Variants in BRF1 observed in about 807,000 individuals in gnomAD.
The protein encoded by BRF1 is BRF1 general transcription factor IIIB subunit.
In BRF1, 59 loss-of-function variants were observed where a neutral mutation model predicts 81.7. The ratio of observed to expected loss-of-function variants is 0.72; its 90% confidence interval spans 0.59 to 0.90. BRF1 has a LOEUF of 0.90. Ranked by LOEUF, BRF1 falls within the 40% of genes least tolerant of loss-of-function variation. The pLI is 0.00. For synonymous variants in BRF1, 491 were observed against 395.6 expected (o/e 1.24, Z -2.86); for missense variants, 1,050 against 936.3 (o/e 1.12, Z -1.58).
At chr14:105,225,881 C>T (rs587764479) in intron 10 of BRF1, among the ~76,000 whole-genome samples, 188 bp downstream of exon 10, 41 of 152,254 alleles carry the variant, frequency 2.7e-4, no homozygotes, top group Admixed American at 6.5e-5. Context: ...CTCCTGACCT[C>T]GTGATCCGCC....
chr14:105,250,610 G>C (rs1187259812), intron 5 of BRF1: 1 of 1,613,880 alleles, frequency 6.2e-7, no homozygotes, highest in Non-Finnish European at 8.5e-7. Flanking sequence ...GTGCTCCTCG[G>C]ACAGCACCAA....
intron 5 of BRF1, among the ~76,000 whole-genome samples, chr14:105,246,268 T>C (rs940516612): frequency 4.6e-5 from 7 of 151,920 alleles, no homozygotes; most frequent in Non-Finnish European, 8.8e-5. Context: ...AAACACGCCA[T>C]GCAAATAGCC....
At chr14:105,258,894 A>T (rs2056020255) in intron 3 of BRF1, among the ~76,000 whole-genome samples, 2 of 152,208 alleles carry the variant, frequency 1.3e-5, no homozygotes, top group African/African-American at 2.4e-5. Flanking sequence ...ACAAAAAAAA[A>T]TAGCCAACAA....
In BRF1 at chr14:105,217,770, T is replaced by C. The variant is rs1373866612; in HGVS notation, c.1546A>G (p.Ile516Val). The stretch of plus-strand genomic sequence containing the variant: ...GCCTCCCTGGCGGTACTGGCCTGAA[T>C]TGGCTCCCGTCGCTTGCAAGACTTC... ...PKKSCKRREP[I>V]QASTAREAIE... Residue 516 changes from isoleucine (I) to valine (V), a missense_variant, in exon 15 of 18, where the codon ATT becomes GTT. By Grantham distance (29) the Ile-to-Val change is conservative. Coordinates refer to ENST00000547530, the MANE Select transcript of BRF1 (RefSeq NM_001519.4). The C allele has an allele frequency of 1.9e-6, 3 of 1,612,878 alleles. No individual in the cohort carries two copies. Among genetic ancestry groups the C allele is most frequent in the African/African-American group, 1.3e-5 (1 of 74,934 alleles).
intron 10 of BRF1, among the ~76,000 whole-genome samples, chr14:105,222,788 C>T (rs1254183469): frequency 1.3e-5 from 2 of 152,158 alleles, no homozygotes; most frequent in Non-Finnish European, 2.9e-5. Context: ...GCCACCACAC[C>T]CGGCTAATTT....
chr14:105,280,807 A>G (rs1419783213), intron 2 of BRF1, among the ~76,000 whole-genome samples: 20 of 75,144 alleles, frequency 2.7e-4, no homozygotes, highest in African/African-American at 3.7e-4. Context: ...GAGGCTGCAT[A>G]ATCTTGAGCC....
rs2057262135 is a variant in BRF1 at position 105,284,979 on chromosome 14, C to A, written c.265+1317G>T. Among the ~76,000 whole-genome samples the A allele has an allele frequency of 6.6e-6, 1 of 152,160 alleles. No homozygotes were observed. Among genetic ancestry groups the A allele is most frequent in the Non-Finnish European group, 1.5e-5 (1 of 68,034 alleles). On this transcript the variant is annotated intron_variant, in intron 2 of 17. Transcript: ENST00000547530. This position sits in a 1 kb window ranked among gnomAD's most constrained non-coding sequence, Gnocchi z 4.0. Reference sequence around the variant, plus strand: ...CGACAAAAGAAGTACAAAACTTATACTCTGAGAACTAATAAAATTGTTGAA... The same window carrying A: ...CGACAAAAGAAGTACAAAACTTATAATCTGAGAACTAATAAAATTGTTGAA...
chr14:105,253,895 AGTGT>A (rs1262271384), intron 4 of BRF1, among the ~76,000 whole-genome samples: 1 of 152,144 alleles, frequency 6.6e-6, no homozygotes, highest in Admixed American at 6.5e-5. Flanking sequence ...CAGCACATGT[AGTGT>A]GTGTGTGCAT....
At chr14:105,306,965 A>G (rs1329954897) in intron 1 of BRF1, among the ~76,000 whole-genome samples, 1 of 149,354 alleles carries the variant, frequency 6.7e-6, no homozygotes, top group Non-Finnish European at 1.5e-5. Context: ...CTAGAGAGGG[A>G]CTCCCCTCCC....
intron 1 of BRF1, among the ~76,000 whole-genome samples, chr14:105,293,122 C>T (rs1326394407): frequency 2.6e-5 from 4 of 152,176 alleles, no homozygotes; most frequent in Non-Finnish European, 2.9e-5. Context: ...GAGCCTTCCA[C>T]CCTCAGGACT....
intron 5 of BRF1, chr14:105,250,225 G>A (rs186352562): frequency 1.9e-6 from 3 of 1,612,956 alleles, no homozygotes; most frequent in African/African-American, 1.3e-5. Context: ...CCCCGCAGAG[G>A]TGCCACCGAT....
At chr14:105,314,572 C>T (rs1256164094) in intron 1 of BRF1, 2 of 145,698 alleles carry the variant, frequency 1.4e-5, no homozygotes, top group African/African-American at 4.9e-5. Flanking sequence ...AGCGCGCGCG[C>T]ACCTCACTTC....
chr14:105,253,493 G>A (rs2055719436), intron 4 of BRF1, among the ~76,000 whole-genome samples: 1 of 152,220 alleles, frequency 6.6e-6, no homozygotes, highest in Non-Finnish European at 1.5e-5. Context: ...CCGGCTCGTG[G>A]GCCCTTAGAC....
Position 105,272,706 on chromosome 14 carries a change from C to A in BRF1, c.439+15G>T. Reference sequence around the variant, plus strand: ...AAGATGGGGCCCTCTGGGAGGCTCTCAAACCAAAGGATACGCGGCGTGCCC... The same window carrying A: ...AAGATGGGGCCCTCTGGGAGGCTCTAAAACCAAAGGATACGCGGCGTGCCC... On this transcript the variant is annotated intron_variant, in intron 3 of 17. Coordinates refer to ENST00000547530, the MANE Select transcript of BRF1 (RefSeq NM_001519.4). 6.3e-7 allele frequency: 1 copy of A among 1,586,266 alleles called. No homozygotes were observed. The highest frequency in any genetic ancestry group is 1.1e-5 in the South Asian group (1 of 88,712).
intron 3 of BRF1, among the ~76,000 whole-genome samples, chr14:105,266,290 A>G (rs2140370889): frequency 6.6e-6 from 1 of 150,918 alleles, no homozygotes; most frequent in African/African-American, 2.4e-5. Context: ...TAGTGCACCT[A>G]TGGTCCCGGC....
intron 5 of BRF1, chr14:105,247,006 G>A: frequency 1.0e-6 from 1 of 985,402 alleles, no homozygotes; most frequent in Non-Finnish European, 1.2e-6. Context: ...TGTTGCTGAT[G>A]GACATGTAGG....
chr14:105,220,076 AT>A lies in BRF1; in HGVS notation c.1369del (p.Ile457LeufsTer6). On this transcript the variant is annotated frameshift_variant, in exon 12 of 18. Coordinates refer to ENST00000547530, the MANE Select transcript of BRF1 (RefSeq NM_001519.4). LOFTEE classifies it high-confidence loss of function. The part of the protein sequence containing the change: ...LDLSGIDDLE[I>X]DRYILNESEA... ...AGGGGTGCTGCCACGTACCCTGTCA[AT>A]CTCCAGGTCATCAATGCCACTGAGG... The A allele has an allele frequency of 1.9e-6, 3 of 1,612,958 alleles. No individual in the cohort carries two copies. Among genetic ancestry groups the A allele is most frequent in the Non-Finnish European group, 2.5e-6 (3 of 1,179,996 alleles).
intron 5 of BRF1, chr14:105,248,626 C>T: frequency 1.0e-6 from 1 of 978,888 alleles, no homozygotes; most frequent in Non-Finnish European, 1.2e-6. Flanking sequence ...CCGGGCTGCG[C>T]TAGGCTGGGC....
chr14:105,313,312 GCTACCCCCTCT>G (rs960259459), intron 1 of BRF1, among the ~76,000 whole-genome samples: 16 of 152,318 alleles, frequency 1.1e-4, no homozygotes, highest in Non-Finnish European at 1.9e-4. Context: ...CTGGGGTATG[GCTACCCCCTCT>G]CTGGACATAG....
Sources: allele counts gnomAD v4.1 joint callset (sites outside exome capture counted in the v4.1 genomes callset), GRCh38; gene constraint gnomAD v4.1.1; non-coding constraint Gnocchi (gnomAD v3.1); transcripts MANE v1.5; gene names NCBI Gene and HGNC (gene_info 2026-07-23, HGNC 2026-07-21).